Variants in FBXO17 observed in about 807,000 individuals in gnomAD.
The protein encoded by FBXO17 is F-box only protein 17.
In FBXO17, 43 loss-of-function variants were observed where a neutral mutation model predicts 34.1. That is an observed-to-expected ratio of 1.26 (90% CI 0.99 to 1.62). The LOEUF (loss-of-function observed/expected upper bound fraction) is 1.62. Ranked by LOEUF, FBXO17 falls within the 40% of genes most tolerant of loss-of-function variation. FBXO17 has a pLI of 0.00. For missense variants in FBXO17, 424 were observed against 386.7 expected, an observed-to-expected ratio of 1.10 and a Z score of -0.81; for synonymous variants, 169 against 166.0, an observed-to-expected ratio of 1.02 and a Z score of -0.14.
chr19:38,950,559 G>C (rs1412692836), intron 1 of FBXO17, among the ~76,000 whole-genome samples: 1 of 152,236 alleles, frequency 6.6e-6, no homozygotes, highest in Non-Finnish European at 1.5e-5. Flanking sequence ...CGCTGATCAC[G>C]GCTTCCGTCT....
At chr19:38,953,971 G>A (rs776787934) in intron 1 of FBXO17, among the ~76,000 whole-genome samples, 7 of 152,168 alleles carry the variant, frequency 4.6e-5, no homozygotes, top group Non-Finnish European at 8.8e-5. Context: ...AGTGAAAGGG[G>A]GGGAGGAGGT....
At chr19:38,952,715 CCT>C (rs1568440941) in intron 1 of FBXO17, 2 of 503,152 alleles carry the variant, frequency 4.0e-6, no homozygotes, top group African/African-American at 3.9e-5. Flanking sequence ...GCAGCCCCAA[CCT>C]CTCTGTTCCC....
intron 1 of FBXO17, among the ~76,000 whole-genome samples, chr19:38,955,576 C>T (rs1975156347): frequency 6.6e-6 from 1 of 151,606 alleles, no homozygotes; most frequent in African/African-American, 2.4e-5. Context: ...CTCTGGCTCC[C>T]AGGTTCAAGT....
intron 1 of FBXO17, among the ~76,000 whole-genome samples, chr19:38,960,898 C>T (rs1975240341): frequency 6.6e-6 from 1 of 151,876 alleles, no homozygotes; most frequent in African/African-American, 2.4e-5. Context: ...CCTCCGCCTC[C>T]CAAGTTCAAG....
At chr19:38,954,895 T>G (rs1325117553) in intron 1 of FBXO17, among the ~76,000 whole-genome samples, 3 of 134,224 alleles carry the variant, frequency 2.2e-5, no homozygotes, top group African/African-American at 8.6e-5. Context: ...AATGTGTTAT[T>G]TTATTATTAT....
chr19:38,955,211 G>A (rs762765365), intron 1 of FBXO17, among the ~76,000 whole-genome samples: 27 of 151,914 alleles, frequency 1.8e-4, no homozygotes, highest in Non-Finnish European at 2.2e-4. Context: ...GATCACAGGC[G>A]TGAGCCACTG....
At chr19:38,948,342 G>A (rs1366381984) in intron 3 of FBXO17, among the ~76,000 whole-genome samples, 2 of 152,236 alleles carry the variant, frequency 1.3e-5, no homozygotes, top group Non-Finnish European at 2.9e-5. Context: ...ATGATGCACA[G>A]AGCATTGCTG....
chr19:38,974,805 G>T (rs947185759), intron 1 of FBXO17, among the ~76,000 whole-genome samples: 2 of 152,272 alleles, frequency 1.3e-5, no homozygotes, highest in East Asian at 1.9e-4. Context: ...GTATTTGGCC[G>T]ACAGGGGTTG....
Position 38,942,691 on chromosome 19 carries a change from C to G in FBXO17, c.754G>C (p.Gly252Arg). Residue 252 changes from glycine (G) to arginine (R), a missense_variant, in exon 6 of 6, where the codon GGG becomes CGG. Physicochemically the swap from Gly to Arg is moderately radical, Grantham distance 125. Transcript: ENST00000292852. The stretch of plus-strand genomic sequence containing the variant: ...CCCACCCAGGAACTCACGTCTCTCC[C>G]GTACTGCTCAAAAGATACGTAGCGG... ...GIRYVSFEQY[G>R]RDVSSWVGHY... is the part of the protein sequence containing the mutation. The G allele has an allele frequency of 1.2e-6, 2 of 1,606,054 alleles. No individual in the cohort carries two copies. Among genetic ancestry groups the G allele is most frequent in the Non-Finnish European group, 1.7e-6 (2 of 1,176,952 alleles).
Position 38,942,378 on chromosome 19 carries a change from A to C in FBXO17, c.*230T>G. 1 of 334,464 alleles carries C rather than the reference A, an allele frequency of 3.0e-6. No individual in the cohort carries two copies. The highest frequency in any genetic ancestry group is 7.7e-5 in the South Asian group (1 of 12,938). The allele number at this position is 334,464 out of a possible 1,614,324, so 20.7% of individuals were successfully genotyped here. On this transcript the variant is annotated 3_prime_UTR_variant, in exon 6 of 6. Coordinates refer to ENST00000292852, the MANE Select transcript of FBXO17 (RefSeq NM_024907.7). The stretch of plus-strand genomic sequence containing the variant: ...CTGGTCTCAGGCAATCCTCCCACCC[A>C]AGCCTCCTGAGTAGCTGGGACTACA...
chr19:38,948,707 G>C (rs997058747), intron 2 of FBXO17, 29 bp from the exon 3 acceptor site: 2 of 1,599,634 alleles, frequency 1.3e-6, no homozygotes, highest in African/African-American at 2.7e-5. Flanking sequence ...TGAACATATG[G>C]TTCACCTGCC....
At chr19:38,946,373 C>A in intron 4 of FBXO17, 99 bp downstream of exon 4, 1 of 1,559,208 alleles carries the variant, frequency 6.4e-7, no homozygotes, top group Non-Finnish European at 8.7e-7. Context: ...CAGTGACAGC[C>A]GCTACCCGTG....
chr19:38,952,672 T>A (rs1278979999), intron 1 of FBXO17: 1 of 532,116 alleles, frequency 1.9e-6, no homozygotes, highest in Non-Finnish European at 3.8e-6. Flanking sequence ...TTAGCATCAT[T>A]CTCAGTGATT....
In FBXO17 at chr19:38,942,492, G is replaced by A. The variant is rs75826607; in HGVS notation, c.*116C>T. 3.5e-6 allele frequency: 4 copies of A among 1,141,754 alleles called. No individual in the cohort carries two copies. The highest frequency in any genetic ancestry group is 4.7e-6 in the Non-Finnish European group (4 of 852,268). The allele number at this position is 1,141,754 out of a possible 1,614,324, so 70.7% of individuals were successfully genotyped here. On this transcript the variant is annotated 3_prime_UTR_variant, in exon 6 of 6. Transcript: ENST00000292852. ...GCCCAGGCTGGTCTTGAACTCCCGA[G>A]CTCCAGTGATCCTCCCACCTCGGCC...
At position 38,949,960 on chromosome 19, in the gene FBXO17, C is replaced by T. The variant is rs1789984031; in HGVS notation, c.349+11G>A. ...CCCCTCAGCCTCCTGGGCCCCGCCC[C>T]CGTCACCCACGCTCTCCGCAGGAGT... On this transcript the variant is annotated intron_variant, in intron 2 of 5. Transcript: ENST00000292852. 2 of 1,526,420 alleles carry T rather than the reference C, an allele frequency of 1.3e-6. No individual in the cohort carries two copies. Among genetic ancestry groups the T allele is most frequent in the Admixed American group, 2.0e-5 (1 of 49,202 alleles). 94.6% of individuals were successfully genotyped at this position (1,526,420 alleles called of 1,614,324 possible).
chr19:38,971,393 C>T (rs1313441073), intron 1 of FBXO17, among the ~76,000 whole-genome samples: 6 of 152,042 alleles, frequency 3.9e-5, no homozygotes, highest in East Asian at 1.9e-4. Flanking sequence ...AAAAACAAGG[C>T]GAAACACAGC....
intron 1 of FBXO17, among the ~76,000 whole-genome samples, chr19:38,951,032 C>T (rs1975076045): frequency 6.6e-6 from 1 of 152,098 alleles, no homozygotes; most frequent in Non-Finnish European, 1.5e-5. Flanking sequence ...CTTCGTGATC[C>T]ACCCACTTCG....
rs1237176306 is a variant in FBXO17 at position 38,950,169 on chromosome 19, C to T, written c.151G>A (p.Asp51Asn). The stretch of plus-strand genomic sequence containing the variant: ...CACACAGTGGGCCCGTCCACTATGT[C>T]GCGCCAGGCGCGGCACACTGGGCGG... ...RCRPVCRAWR[D>N]IVDGPTVWLL... Residue 51 changes from aspartate (D) to asparagine (N), a missense_variant, in exon 2 of 6, where the codon GAC becomes AAC. Transcript: ENST00000292852. 1 of 1,559,042 alleles carries T rather than the reference C, an allele frequency of 6.4e-7. No individual in the cohort carries two copies. The highest frequency in any genetic ancestry group is 8.6e-7 in the Non-Finnish European group (1 of 1,158,570).
chr19:38,975,714 T>C lies in FBXO17; in HGVS notation c.-146A>G, dbSNP rs1363840480. 6.6e-6 allele frequency: 1 copy of C among 150,636 alleles called. No homozygotes were observed. Among genetic ancestry groups the C allele is most frequent in the African/African-American group, 2.5e-5 (1 of 40,812 alleles). 9.3% of individuals were successfully genotyped at this position (150,636 alleles called of 1,614,324 possible). ...GCCCCGGGACCGGCGGTCTGGGCGG[T>C]CGGTCCTCTCCCGGGGCGTGGCGGC... On this transcript the variant is annotated 5_prime_UTR_variant, in exon 1 of 6. Coordinates refer to ENST00000292852, the MANE Select transcript of FBXO17 (RefSeq NM_024907.7). The surrounding 1 kb of genome is among the most constrained non-coding windows in gnomAD (Gnocchi z 4.9).
Sources: gnomAD v4.1 joint callset for allele counts (sites outside exome capture counted in the v4.1 genomes callset) on GRCh38, gnomAD v4.1.1 for gene constraint, Gnocchi (gnomAD v3.1) non-coding constraint, MANE v1.5 for transcripts, NCBI Gene and HGNC (gene_info 2026-07-23, HGNC 2026-07-21) for gene names.